Variants in STXBP6 observed in about 807,000 individuals in gnomAD.
STXBP6 encodes the protein syntaxin-binding protein 6.
Under a neutral mutation model 26.9 loss-of-function variants are expected in STXBP6, and 21 were observed. That is an observed-to-expected ratio of 0.78 (90% CI 0.55 to 1.12). The LOEUF (loss-of-function observed/expected upper bound fraction) is 1.12, where lower values mean the gene tolerates loss of function less well. Ranked by LOEUF, STXBP6 falls within the 50% of genes most tolerant of loss-of-function variation. The probability of loss-of-function intolerance (pLI) is 0.00; values close to 1 mark genes in which losing one functional copy is unlikely to be tolerated. For synonymous variants in STXBP6, 97 were observed against 92.6 expected, an observed-to-expected ratio of 1.05 and a Z score of -0.27; for missense variants, 232 against 257.9, an observed-to-expected ratio of 0.90 and a Z score of 0.69.
At chr14:24,889,783 C>T (rs1183516503) in intron 2 of STXBP6, among the ~76,000 whole-genome samples, 1 of 152,148 alleles carries the variant, frequency 6.6e-6, no homozygotes, top group African/African-American at 2.4e-5. Flanking sequence ...TCATACTAAT[C>T]AGGATCCTTT....
chr14:24,983,141 T>C (rs574057136), intron 1 of STXBP6, among the ~76,000 whole-genome samples: 37 of 152,336 alleles, frequency 2.4e-4, no homozygotes, highest in African/African-American at 8.4e-4. Context: ...TGGTGTATTA[T>C]GGATACTGAC....
intron 1 of STXBP6, among the ~76,000 whole-genome samples, chr14:25,006,745 G>T (rs936320842): frequency 1.3e-5 from 2 of 151,982 alleles, no homozygotes; most frequent in Non-Finnish European, 2.9e-5. Context: ...TTTCCTTGAG[G>T]CCCTCAATGA....
At position 25,049,990 on chromosome 14, in the gene STXBP6, T is replaced by G; in HGVS notation, c.-145A>C. ...GGGGCTCCGGGCTCCGGACAAGGCT[T>G]AGCCGGCCCGGGTGCTGGCTCGCCG... is the stretch of plus-strand genomic sequence containing the variant. On this transcript the variant is annotated 5_prime_UTR_variant, in exon 1 of 6. Coordinates refer to ENST00000323944, the MANE Select transcript of STXBP6 (RefSeq NM_001394410.1). The surrounding 1 kb of genome is among the most constrained non-coding windows in gnomAD (Gnocchi z 5.6). 1.4e-5 allele frequency: 7 copies of G among 511,898 alleles called. No homozygotes were observed. Among genetic ancestry groups the G allele is most frequent in the Non-Finnish European group, 1.7e-5 (7 of 400,218 alleles). 31.7% of individuals were successfully genotyped at this position (511,898 alleles called of 1,614,324 possible).
At chr14:24,840,176 C>T (rs1194927936) in intron 4 of STXBP6, among the ~76,000 whole-genome samples, 2 of 152,148 alleles carry the variant, frequency 1.3e-5, no homozygotes, top group Admixed American at 6.5e-5. Context: ...AGTGATGGAA[C>T]CACCTCTGCT....
At chr14:24,943,984 T>TC (rs2140006569) in intron 2 of STXBP6, among the ~76,000 whole-genome samples, 1 of 53,382 alleles carries the variant, frequency 1.9e-5, no homozygotes, top group African/African-American at 8.9e-5. Flanking sequence ...TTGTTTTCCC[T>TC]CCCCAAAAGT....
chr14:25,047,757 G>A (rs2075748431), intron 1 of STXBP6, among the ~76,000 whole-genome samples: 2 of 152,192 alleles, frequency 1.3e-5, no homozygotes, highest in Non-Finnish European at 2.9e-5. Flanking sequence ...AATCTCACCT[G>A]TTCTTGCCTT....
intron 1 of STXBP6, among the ~76,000 whole-genome samples, chr14:24,995,425 A>G (rs1358335358): frequency 1.4e-5 from 2 of 147,454 alleles, no homozygotes; most frequent in Non-Finnish European, 2.9e-5. Context: ...CAAGTGCTCA[A>G]TAATAGTTTT....
chr14:25,043,478 ACT>A (rs1463386760), intron 1 of STXBP6, among the ~76,000 whole-genome samples: 1 of 152,102 alleles, frequency 6.6e-6, no homozygotes, highest in East Asian at 1.9e-4. Flanking sequence ...CATAAAATTC[ACT>A]CTTTTAAAGT....
intron 1 of STXBP6, among the ~76,000 whole-genome samples, chr14:25,028,560 C>T (rs1314836545): frequency 1.3e-5 from 2 of 151,716 alleles, no homozygotes; most frequent in Non-Finnish European, 2.9e-5. Flanking sequence ...TGTACCTGGT[C>T]ATCCAAGAGC....
intron 1 of STXBP6, among the ~76,000 whole-genome samples, chr14:24,997,494 A>G (rs2140312996): frequency 6.6e-6 from 1 of 152,108 alleles, no homozygotes; most frequent in South Asian, 2.1e-4. Flanking sequence ...GTACCCATGG[A>G]TACTACTGTA....
Position 24,834,828 on chromosome 14 carries a change from T to C in STXBP6, c.452-15634A>G, listed in dbSNP as rs530131416. 4.6e-5 allele frequency among the ~76,000 whole-genome samples: 7 copies of C among 152,250 alleles called. No homozygotes were observed. The South Asian group carries it at 1.0e-3, about 23-fold the overall frequency. On this transcript the variant is annotated intron_variant, in intron 4 of 5. Transcript: ENST00000323944. ...TGACTTGTTTGCAGACTATGTATTATGGATTTCTAAAGGGGGAAAGGCAGA... is the reference window on the plus strand; with the variant it reads ...TGACTTGTTTGCAGACTATGTATTACGGATTTCTAAAGGGGGAAAGGCAGA...
intron 2 of STXBP6, among the ~76,000 whole-genome samples, chr14:24,876,249 T>C (rs1371368537): frequency 6.6e-6 from 1 of 152,224 alleles, no homozygotes; most frequent in Non-Finnish European, 1.5e-5. Flanking sequence ...TGATTTCTTT[T>C]AGATTGCCTT....
chr14:24,867,053 T>C (rs1319913200), intron 2 of STXBP6, among the ~76,000 whole-genome samples: 1 of 152,028 alleles, frequency 6.6e-6, no homozygotes, highest in Non-Finnish European at 1.5e-5. Context: ...CTCTGCAAAA[T>C]TCATGTTAAA....
chr14:24,904,259 A>T (rs551281122), intron 2 of STXBP6, among the ~76,000 whole-genome samples: 2 of 152,352 alleles, frequency 1.3e-5, no homozygotes, highest in South Asian at 4.1e-4. Flanking sequence ...TGAATAATAT[A>T]GGTGAATACA....
At chr14:24,924,667 G>A (rs2072099280) in intron 2 of STXBP6, among the ~76,000 whole-genome samples, 1 of 152,252 alleles carries the variant, frequency 6.6e-6, no homozygotes, top group Non-Finnish European at 1.5e-5. Flanking sequence ...AGGCAAGCAT[G>A]TATGTACCTC....
In STXBP6 at chr14:24,812,081, T is replaced by C. The variant is rs1378706449; in HGVS notation, c.*628A>G. 1 of 134,446 alleles carries C rather than the reference T, an allele frequency of 7.4e-6. No individual in the cohort carries two copies. Among genetic ancestry groups the C allele is most frequent in the Admixed American group, 7.1e-5 (1 of 14,030 alleles). 8.3% of individuals were successfully genotyped at this position (134,446 alleles called of 1,614,324 possible). ...TCAGGAAAGAGATTTCTATCTGCGA[T>C]TCTGATTTTTTTTTTTTTTTGAACG... On this transcript the variant is annotated 3_prime_UTR_variant, in exon 6 of 6. Transcript: ENST00000323944.
chr14:25,040,105 G>C (rs563010191), intron 1 of STXBP6, among the ~76,000 whole-genome samples: 2 of 152,302 alleles, frequency 1.3e-5, no homozygotes, highest in Admixed American at 1.3e-4. Flanking sequence ...AAACTCAGAG[G>C]CCTAGGGCTA....
chr14:24,828,597 T>A (rs893215583), intron 4 of STXBP6, among the ~76,000 whole-genome samples: 64 of 152,304 alleles, frequency 4.2e-4, no homozygotes, highest in Admixed American at 3.1e-3. Flanking sequence ...AGCCAAAGAA[T>A]TTCAGAAAGA....
intron 5 of STXBP6, 150 bp downstream of exon 5, chr14:24,818,887 G>C: frequency 2.9e-6 from 3 of 1,051,094 alleles, no homozygotes; most frequent in Non-Finnish European, 3.9e-6. Context: ...CACGACTCAG[G>C]TGTTTAGTAA....
Sources: allele counts gnomAD v4.1 joint callset (sites outside exome capture counted in the v4.1 genomes callset), GRCh38; gene constraint gnomAD v4.1.1; non-coding constraint Gnocchi (gnomAD v3.1); transcripts MANE v1.5; gene names NCBI Gene and HGNC (gene_info 2026-07-23, HGNC 2026-07-21).